GALNTL6: variants seen among roughly 807,000 people sequenced by gnomAD.
GALNTL6 encodes the protein polypeptide N-acetylgalactosaminyltransferase like 6.
Under a neutral mutation model 73.7 loss-of-function variants are expected in GALNTL6, and 46 were observed. The ratio of observed to expected loss-of-function variants is 0.62; its 90% CI spans 0.49 to 0.80. The LOEUF is 0.80. Among genes scored for constraint, GALNTL6 ranks in the 30% least tolerant of loss-of-function variants. The pLI is 0.00. For synonymous variants in GALNTL6, 259 were observed against 263.7 expected (o/e 0.98, Z 0.17); for missense variants, 604 against 755.0 (o/e 0.80, Z 2.34).
intron 2 of GALNTL6, among the ~76,000 whole-genome samples, chr4:171,885,218 T>A (rs1476141875): frequency 6.6e-6 from 1 of 152,172 alleles, no homozygotes; most frequent in Non-Finnish European, 1.5e-5. Context: ...CTGTCTCAGC[T>A]ATCATTATTC....
chr4:172,005,944 A>T (rs1740828355), intron 2 of GALNTL6, among the ~76,000 whole-genome samples: 1 of 152,186 alleles, frequency 6.6e-6, no homozygotes, highest in African/African-American at 2.4e-5. Flanking sequence ...TTTTGTCATA[A>T]GATGCACATC....
chr4:172,918,236 T>C (rs1747626410), intron 8 of GALNTL6, among the ~76,000 whole-genome samples: 1 of 151,882 alleles, frequency 6.6e-6, no homozygotes, highest in Non-Finnish European at 1.5e-5. Flanking sequence ...TTGGGGCCTG[T>C]TGTGGGGTGG....
chr4:172,787,486 G>T (rs745818509), intron 5 of GALNTL6, among the ~76,000 whole-genome samples: 6 of 152,154 alleles, frequency 3.9e-5, no homozygotes, highest in Admixed American at 6.5e-5. Context: ...AATGCTAAAA[G>T]CTTTGAGAAA....
chr4:172,910,234 A>G (rs1025227156), intron 8 of GALNTL6, among the ~76,000 whole-genome samples: 2 of 152,214 alleles, frequency 1.3e-5, no homozygotes, highest in African/African-American at 2.4e-5. Context: ...TGACATTGCT[A>G]TTGAAAATAA....
intron 5 of GALNTL6, among the ~76,000 whole-genome samples, chr4:172,445,771 G>A (rs1176677888): frequency 6.6e-6 from 1 of 152,118 alleles, no homozygotes; most frequent in Non-Finnish European, 1.5e-5. Context: ...GAATGTATGA[G>A]TGTGTTTTCT....
chr4:172,090,417 A>G (rs1266747275), intron 2 of GALNTL6, among the ~76,000 whole-genome samples: 1 of 152,146 alleles, frequency 6.6e-6, no homozygotes, highest in Non-Finnish European at 1.5e-5. Context: ...ATAGTGTCTC[A>G]TCGTGGTTTT....
At chr4:171,864,799 C>A (rs1347664332) in intron 2 of GALNTL6, among the ~76,000 whole-genome samples, 1 of 152,040 alleles carries the variant, frequency 6.6e-6, no homozygotes, top group Non-Finnish European at 1.5e-5. Context: ...AAAGACCAAT[C>A]TTGTCCAAAC....
At chr4:172,516,840 T>C (rs1734625231) in intron 5 of GALNTL6, among the ~76,000 whole-genome samples, 1 of 152,148 alleles carries the variant, frequency 6.6e-6, no homozygotes, top group South Asian at 2.1e-4. Flanking sequence ...AAATGTAATA[T>C]CATTCAGCCT....
intron 2 of GALNTL6, among the ~76,000 whole-genome samples, chr4:172,003,114 C>G (rs1394946160): frequency 6.6e-6 from 1 of 152,038 alleles, no homozygotes; most frequent in East Asian, 1.9e-4. Context: ...TTTTGGCTTC[C>G]TGATGGCTTC....
At chr4:172,437,165 T>C (rs113130429) in intron 5 of GALNTL6, among the ~76,000 whole-genome samples, 8 of 152,174 alleles carry the variant, frequency 5.3e-5, no homozygotes, top group East Asian at 1.9e-4. Flanking sequence ...CCTATACTTA[T>C]GCTTCTTATC....
chr4:172,610,981 T>C (rs1486523025), intron 5 of GALNTL6, among the ~76,000 whole-genome samples: 1 of 152,096 alleles, frequency 6.6e-6, no homozygotes, highest in Non-Finnish European at 1.5e-5. Context: ...AAAGTCTGTT[T>C]TGTCTGAAAT....
At chr4:172,519,872 A>G (rs1734720615) in intron 5 of GALNTL6, among the ~76,000 whole-genome samples, 1 of 151,858 alleles carries the variant, frequency 6.6e-6, no homozygotes, top group South Asian at 2.1e-4. Context: ...TGTAGAAAAT[A>G]GAAACTTCAC....
chr4:172,719,861 A>G (rs2111352647), intron 5 of GALNTL6, among the ~76,000 whole-genome samples: 1 of 152,238 alleles, frequency 6.6e-6, no homozygotes, highest in Middle Eastern at 3.4e-3. Context: ...TTTTATGGTT[A>G]TTTCTGATGA....
At chr4:172,722,769 A>T (rs1390975377) in intron 5 of GALNTL6, among the ~76,000 whole-genome samples, 1 of 152,206 alleles carries the variant, frequency 6.6e-6, no homozygotes, top group African/African-American at 2.4e-5. Context: ...TATTCTTTTG[A>T]ATTTGTGAAT....
At chr4:172,987,960 G>A (rs1021184262) in intron 10 of GALNTL6, among the ~76,000 whole-genome samples, 1 of 152,102 alleles carries the variant, frequency 6.6e-6, no homozygotes, top group Non-Finnish European at 1.5e-5. Context: ...CCAGTTTCAG[G>A]TATTTATTTA....
intron 3 of GALNTL6, among the ~76,000 whole-genome samples, chr4:172,286,847 C>G (rs1739274787): frequency 6.6e-6 from 1 of 152,064 alleles, no homozygotes; most frequent in Non-Finnish European, 1.5e-5. Context: ...AAAATAAATT[C>G]CAGTGGTATG....
chr4:172,527,599 T>G (rs1427319422), intron 5 of GALNTL6, among the ~76,000 whole-genome samples: 2 of 152,174 alleles, frequency 1.3e-5, no homozygotes, highest in Non-Finnish European at 2.9e-5. Context: ...TATACCACTT[T>G]GCATATAACC....
At position 172,952,078 on chromosome 4, in the gene GALNTL6, C is replaced by T. The variant is rs1318977425; in HGVS notation, c.1191C>T (p.Ala397=). 5 of 1,613,896 alleles carry T rather than the reference C, an allele frequency of 3.1e-6. No homozygotes were observed. The highest frequency in any genetic ancestry group is 4.5e-5 in the East Asian group (2 of 44,894). The change falls in exon 10 of 13, where the codon GCC becomes GCT. Residue 397 remains alanine (A), a synonymous_variant. Transcript: ENST00000506823. The part of the protein sequence containing the change: ...RVAETWMDEF[A]EYIYQRRPEY... Reference sequence around the variant, plus strand: ...CTGAGACCTGGATGGATGAATTTGCCGAGTACATTTACCAGCGGCGGCCGG... The same window carrying T: ...CTGAGACCTGGATGGATGAATTTGCTGAGTACATTTACCAGCGGCGGCCGG...
At position 172,590,582 on chromosome 4, in the gene GALNTL6, G is replaced by A. The variant is rs78796723; in HGVS notation, c.554-218779G>A. Among the ~76,000 whole-genome samples the A allele has an allele frequency of 8.5e-3, 1,299 of 152,196 alleles. 24 individuals are homozygous for A. The highest frequency in any genetic ancestry group is 0.03 in the African/African-American group (1,244 of 41,534). ...CAAAGACAAAGCTTTAGATGAACTCGCTTCAGAATGAACATAGTATAATTC... is the reference window on the plus strand; with the variant it reads ...CAAAGACAAAGCTTTAGATGAACTCACTTCAGAATGAACATAGTATAATTC... On this transcript the variant is annotated intron_variant, in intron 5 of 12. Coordinates refer to ENST00000506823, the MANE Select transcript of GALNTL6 (RefSeq NM_001034845.3).
Sources: gnomAD v4.1 joint callset for allele counts (sites outside exome capture counted in the v4.1 genomes callset) on GRCh38, gnomAD v4.1.1 for gene constraint, MANE v1.5 for transcripts, NCBI Gene and HGNC (gene_info 2026-07-23, HGNC 2026-07-21) for gene names.